The following PPIG variants were observed in gnomAD, a reference collection of about 807,000 sequenced individuals.
PPIG encodes the protein peptidylprolyl isomerase G, also known as peptidyl-prolyl cis-trans isomerase G.
PPIG carries 26 observed loss-of-function variants against 87.9 expected under a neutral mutation model. The observed-to-expected ratio is 0.30, with a 90% CI of 0.22 to 0.41. The LOEUF (loss-of-function observed/expected upper bound fraction) is 0.41, where lower values mean the gene tolerates loss of function less well. Ranked by LOEUF, PPIG falls within the 10% of genes least tolerant of loss-of-function variation. The probability of loss-of-function intolerance (pLI) is 1.00; values close to 1 mark genes in which losing one functional copy is unlikely to be tolerated. For synonymous variants in PPIG, 308 were observed against 276.5 expected, an observed-to-expected ratio of 1.11 and a Z score of -1.13; for missense variants, 722 against 879.4, an observed-to-expected ratio of 0.82 and a Z score of 2.26.
intron 7 of PPIG, among the ~76,000 whole-genome samples, chr2:169,613,493 A>G (rs777961519): frequency 6.6e-6 from 1 of 152,330 alleles, no homozygotes; most frequent in Admixed American, 6.5e-5. Flanking sequence ...TACGTATTCA[A>G]GTAGCAACCT....
chr2:169,594,099 C>T (rs2353194), intron 1 of PPIG, among the ~76,000 whole-genome samples: 3 of 151,946 alleles, frequency 2.0e-5, no homozygotes, highest in African/African-American at 7.2e-5. Flanking sequence ...AGAGCACCAG[C>T]GTAGCCAACT....
rs1686265644 is a variant in PPIG, at chr2:169,639,569, A to G, written c.*2046A>G. On this transcript the variant is annotated 3_prime_UTR_variant, in exon 14 of 14. Coordinates refer to ENST00000260970, the MANE Select transcript of PPIG (RefSeq NM_004792.3). The stretch of plus-strand genomic sequence containing the variant: ...AATTGTAGTAATTTCTATAGGCAAT[A>G]TTCTGTTTGGGTTATCAAAAGAGCA... The G allele has an allele frequency of 6.6e-6, 1 of 152,126 alleles. No individual in the cohort carries two copies. Among genetic ancestry groups the G allele is most frequent in the Non-Finnish European group, 1.5e-5 (1 of 67,954 alleles). 9.4% of individuals were successfully genotyped at this position (152,126 alleles called of 1,614,324 possible). A position where few individuals can be genotyped will look rare whatever the true frequency, so the allele number is the denominator to read the frequency against.
chr2:169,633,445 ATAGATTT>A lies in PPIG; in HGVS notation c.1017+201_1017+207del, dbSNP rs1363066628. ...CCAACAGAAAATCCATGAGATATGAATAGATTTTACATTTACATGGTATAAAATGGGA... is the reference window on the plus strand; with the variant it reads ...CCAACAGAAAATCCATGAGATATGAATACATTTACATGGTATAAAATGGGA... On this transcript the variant is annotated intron_variant, in intron 12 of 13. Coordinates refer to ENST00000260970, the MANE Select transcript of PPIG (RefSeq NM_004792.3). 2.1e-4 allele frequency: 127 copies of A among 605,230 alleles called. No individual in the cohort carries two copies. The South Asian group carries it at 2.6e-3, about 12-fold the overall frequency. 37.5% of individuals were successfully genotyped at this position (605,230 alleles called of 1,614,324 possible).
At chr2:169,627,600 C>G (rs1057262328) in intron 9 of PPIG, among the ~76,000 whole-genome samples, 1 of 151,700 alleles carries the variant, frequency 6.6e-6, no homozygotes, top group Non-Finnish European at 1.5e-5. Context: ...GATCATGGCT[C>G]ACTGCAGCCT....
intron 1 of PPIG, among the ~76,000 whole-genome samples, chr2:169,588,439 C>G (rs2105468650): frequency 6.6e-6 from 1 of 152,266 alleles, no homozygotes; most frequent in East Asian, 1.9e-4. Flanking sequence ...GCTTGAGCCA[C>G]TCATTTCATC....
At chr2:169,597,700 T>C (rs1001169171) in intron 1 of PPIG, among the ~76,000 whole-genome samples, 5 of 152,176 alleles carry the variant, frequency 3.3e-5, no homozygotes, top group Admixed American at 2.6e-4. Flanking sequence ...GGTTTCGCCA[T>C]GTTGGCCAGG....
chr2:169,620,710 A>G (rs1011454588), intron 9 of PPIG, among the ~76,000 whole-genome samples: 1 of 152,190 alleles, frequency 6.6e-6, no homozygotes, highest in African/African-American at 2.4e-5. Flanking sequence ...TGATGCTGAC[A>G]TGACTAATTT....
chr2:169,612,111 G>C (rs913917270), intron 7 of PPIG, among the ~76,000 whole-genome samples: 1 of 152,090 alleles, frequency 6.6e-6, no homozygotes, highest in African/African-American at 2.4e-5. Flanking sequence ...AAAGTGCTGG[G>C]GTTATAGGTG....
chr2:169,596,802 C>T (rs145531521), intron 1 of PPIG, among the ~76,000 whole-genome samples: 368 of 151,918 alleles, frequency 2.4e-3, no homozygotes, highest in African/African-American at 8.5e-3. Context: ...CGGGTTTAAG[C>T]GATTCTCCTG....
intron 7 of PPIG, among the ~76,000 whole-genome samples, chr2:169,612,958 T>C (rs888411925): frequency 2.0e-5 from 3 of 152,206 alleles, no homozygotes. Context: ...CCGTTAGCAA[T>C]GTACAGGAGT....
chr2:169,596,850 C>T (rs1044742170), intron 1 of PPIG, among the ~76,000 whole-genome samples: 5 of 152,130 alleles, frequency 3.3e-5, no homozygotes, highest in East Asian at 1.9e-4. Flanking sequence ...TACAGGCATG[C>T]GCCATTACGC....
chr2:169,639,411 GT>G lies in PPIG; in HGVS notation c.*1890del, dbSNP rs1686261962. The G allele has an allele frequency of 1.0e-5, 1 of 98,558 alleles. No homozygotes were observed. Among genetic ancestry groups the G allele is most frequent in the Non-Finnish European group, 2.1e-5 (1 of 47,012 alleles). 6.1% of individuals were successfully genotyped at this position (98,558 alleles called of 1,614,324 possible). A position where few individuals can be genotyped will look rare whatever the true frequency, so the allele number is the denominator to read the frequency against. On this transcript the variant is annotated 3_prime_UTR_variant, in exon 14 of 14. Coordinates refer to ENST00000260970, the MANE Select transcript of PPIG (RefSeq NM_004792.3). ...ATTTAAGAAAGGATTTCTAATAACAGTTAAATATTTTTTTTAAGTCCATGCT... is the reference window on the plus strand; with the variant it reads ...ATTTAAGAAAGGATTTCTAATAACAGTAAATATTTTTTTTAAGTCCATGCT...
intron 7 of PPIG, among the ~76,000 whole-genome samples, chr2:169,610,141 T>C (rs1685447324): frequency 6.6e-6 from 1 of 152,234 alleles, no homozygotes. Flanking sequence ...GTCAGTACCA[T>C]GTGGATTATT....
chr2:169,625,379 A>ATG (rs905128238), intron 9 of PPIG, among the ~76,000 whole-genome samples: 13 of 152,310 alleles, frequency 8.5e-5, no homozygotes, highest in South Asian at 2.1e-4. Flanking sequence ...TTTCCTAGAA[A>ATG]TGGAATTGCC....
rs1371845484 is a variant in PPIG, at chr2:169,637,524, G to A, written c.*1G>A. ...AACAGATGAAGACAAAAGCGGATGA[G>A]TGAGTTATATAAACTTACTTCCATT... On this transcript the variant is annotated 3_prime_UTR_variant, in exon 14 of 14. Coordinates refer to ENST00000260970, the MANE Select transcript of PPIG (RefSeq NM_004792.3). 1.3e-6 allele frequency: 2 copies of A among 1,564,410 alleles called. No individual in the cohort carries two copies. Among genetic ancestry groups the A allele is most frequent in the South Asian group, 2.5e-5 (2 of 81,404 alleles).
intron 1 of PPIG, among the ~76,000 whole-genome samples, chr2:169,597,180 A>G (rs1054733811): frequency 6.6e-6 from 1 of 152,176 alleles, no homozygotes; most frequent in Non-Finnish European, 1.5e-5. Flanking sequence ...AATAGATAAT[A>G]TATTCATGTG....
chr2:169,604,404 C>T (rs982034481), intron 4 of PPIG, 143 bp downstream of exon 4: 2 of 683,864 alleles, frequency 2.9e-6, no homozygotes, highest in Admixed American at 3.3e-5. Context: ...CTCCTGGGCT[C>T]ATCAATCCTT....
intron 1 of PPIG, among the ~76,000 whole-genome samples, chr2:169,586,064 C>T (rs1321498116): frequency 1.3e-5 from 2 of 152,090 alleles, no homozygotes; most frequent in East Asian, 3.8e-4. Context: ...TTTTAGCACT[C>T]CCCTTTTTTT....
At chr2:169,586,829 T>C (rs1434946577) in intron 1 of PPIG, among the ~76,000 whole-genome samples, 1 of 152,236 alleles carries the variant, frequency 6.6e-6, no homozygotes, top group African/African-American at 2.4e-5. Flanking sequence ...AGAATCCCAG[T>C]GTACTAAGAT....
Sources: allele counts gnomAD v4.1 joint callset (sites outside exome capture counted in the v4.1 genomes callset), GRCh38; gene constraint gnomAD v4.1.1; transcripts MANE v1.5; gene names NCBI Gene and HGNC (gene_info 2026-07-23, HGNC 2026-07-21).